Variants in ZNF793 observed in about 807,000 individuals in gnomAD.
The protein encoded by ZNF793 is zinc finger protein 793.
ZNF793 carries 5 observed loss-of-function variants against 12.4 expected under a neutral mutation model. The ratio of observed to expected loss-of-function variants is 0.40; its 90% CI spans 0.21 to 0.84. The LOEUF (loss-of-function observed/expected upper bound fraction) is 0.84. ZNF793 is among the 40% of genes least tolerant of loss of function. The pLI, the probability that ZNF793 is intolerant of heterozygous loss-of-function variation, is 0.35. For synonymous variants in ZNF793, 162 were observed against 172.4 expected (o/e 0.94, Z 0.47); for missense variants, 456 against 495.0 (o/e 0.92, Z 0.75).
intron 2 of ZNF793, among the ~76,000 whole-genome samples, chr19:37,519,797 C>G (rs2042361258): frequency 6.6e-6 from 1 of 152,156 alleles, no homozygotes; most frequent in Non-Finnish European, 1.5e-5. Context: ...CACAGATAGA[C>G]TAAGTAACTC....
At chr19:37,526,636 TTAGTGTGTCA>T (rs964050661) in intron 5 of ZNF793, among the ~76,000 whole-genome samples, 4 of 152,242 alleles carry the variant, frequency 2.6e-5, no homozygotes, top group African/African-American at 9.6e-5. Context: ...TATGTGAGTC[TTAGTGTGTCA>T]TGTGCCAGCC....
intron 5 of ZNF793, among the ~76,000 whole-genome samples, chr19:37,527,592 G>A (rs2042426154): frequency 6.6e-6 from 1 of 152,122 alleles, no homozygotes; most frequent in African/African-American, 2.4e-5. Flanking sequence ...AGGGTAGGCT[G>A]AGCTGATATT....
intron 5 of ZNF793, among the ~76,000 whole-genome samples, chr19:37,529,627 G>A (rs923861007): frequency 6.6e-6 from 1 of 152,070 alleles, no homozygotes; most frequent in South Asian, 2.1e-4. Context: ...TGCGTAGCTG[G>A]GATTACAGGC....
rs1273735150 is a variant in ZNF793, at chr19:37,533,327, A to G, written c.162A>G (p.Pro54=). 5.6e-6 allele frequency: 9 copies of G among 1,613,856 alleles called. No individual in the cohort carries two copies. The Admixed American group carries it at 8.3e-5, about 15-fold the overall frequency. ...GAACAGGTTATGAAGGCACCAAACC[A>G]GATGTGATCCTCAGACTGGAGCAGG... ...LVSVGYEGTK[P]DVILRLEQEE... The change falls in exon 7 of 8, where the codon CCA becomes CCG. Residue 54 remains proline (P), a synonymous_variant. Coordinates refer to ENST00000627814, the MANE Select transcript of ZNF793 (RefSeq NM_001013659.3).
chr19:37,533,533 C>T (rs2042479436), intron 7 of ZNF793, 130 bp downstream of exon 7: 1 of 705,538 alleles, frequency 1.4e-6, no homozygotes, highest in Non-Finnish European at 2.4e-6. Flanking sequence ...ACTCTTCAAC[C>T]TCCATGCAAC....
At chr19:37,512,175 T>G (rs988888658) in intron 2 of ZNF793, among the ~76,000 whole-genome samples, 1 of 152,090 alleles carries the variant, frequency 6.6e-6, no homozygotes, top group African/African-American at 2.4e-5. Context: ...CATAAGAGAT[T>G]ATTGTTTTGT....
chr19:37,538,195 G>T lies in ZNF793; in HGVS notation c.*316G>T, dbSNP rs5020265. The stretch of plus-strand genomic sequence containing the variant: ...CTCCCAAAGTGCTGGGATTACAGGC[G>T]TGAGCCACCGCGCCTGGCCGGTATG... On this transcript the variant is annotated 3_prime_UTR_variant, in exon 8 of 8. Transcript: ENST00000627814. 0.04 allele frequency: 9,415 copies of T among 234,328 alleles called. 240 individuals carry two copies. The highest frequency in any genetic ancestry group is 0.085 in the Middle Eastern group (52 of 614). The allele number at this position is 234,328 out of a possible 1,614,324, so 14.5% of individuals were successfully genotyped here. A position where few individuals can be genotyped will look rare whatever the true frequency, so the allele number is the denominator to read the frequency against.
rs1357278218 is a variant in ZNF793, at chr19:37,543,212, C to T, written c.*5333C>T. 1 of 152,198 alleles carries T rather than the reference C, an allele frequency of 6.6e-6. No homozygotes were observed. Among genetic ancestry groups the T allele is most frequent in the Non-Finnish European group, 1.5e-5 (1 of 68,036 alleles). The allele number at this position is 152,198 out of a possible 1,614,324, so 9.4% of individuals were successfully genotyped here. ...GAATACACACGAAGGTGTTAACATT[C>T]ATTGGTTACCTTGGTGGAGAAGGGT... On this transcript the variant is annotated 3_prime_UTR_variant, in exon 8 of 8. Coordinates refer to ENST00000627814, the MANE Select transcript of ZNF793 (RefSeq NM_001013659.3).
chr19:37,542,389 C>A lies in ZNF793; in HGVS notation c.*4510C>A, dbSNP rs1044043983. On this transcript the variant is annotated 3_prime_UTR_variant, in exon 8 of 8. Coordinates refer to ENST00000627814, the MANE Select transcript of ZNF793 (RefSeq NM_001013659.3). ...ACCTGGGCAACAGAGCAAAAAGATT[C>A]CATCTCAAAAGAAAAGAAAAGAAAT... 2 of 359,820 alleles carry A rather than the reference C, an allele frequency of 5.6e-6. No homozygotes were observed. Among genetic ancestry groups the A allele is most frequent in the Admixed American group, 6.7e-5 (2 of 29,770 alleles). 22.3% of individuals were successfully genotyped at this position (359,820 alleles called of 1,614,324 possible). A position where few individuals can be genotyped will look rare whatever the true frequency, so the allele number is the denominator to read the frequency against.
chr19:37,520,739 C>T (rs1268788865), intron 3 of ZNF793, among the ~76,000 whole-genome samples: 1 of 152,114 alleles, frequency 6.6e-6, no homozygotes, highest in Non-Finnish European at 1.5e-5. Context: ...CTGGACCTCT[C>T]TAGACTTGCT....
intron 5 of ZNF793, 60 bp downstream of exon 5, chr19:37,523,514 A>G: frequency 6.5e-7 from 1 of 1,528,132 alleles, no homozygotes; most frequent in Non-Finnish European, 9.1e-7. Context: ...TAGAGGAAAA[A>G]AAGGGTGTGC....
At chr19:37,532,038 T>G (rs532635650) in intron 5 of ZNF793, among the ~76,000 whole-genome samples, 1 of 148,488 alleles carries the variant, frequency 6.7e-6, no homozygotes, top group South Asian at 2.1e-4. Context: ...TTTTTTGAGA[T>G]GGACTCCTGC....
intron 5 of ZNF793, among the ~76,000 whole-genome samples, chr19:37,531,225 G>C (rs1234237347): frequency 6.6e-6 from 1 of 151,486 alleles, no homozygotes; most frequent in Non-Finnish European, 1.5e-5. Flanking sequence ...GGAGTGCAGT[G>C]GCACAATCTC....
At position 37,537,758 on chromosome 19, in the gene ZNF793, A is replaced by G. The variant is rs1316150549; in HGVS notation, c.1100A>G (p.Tyr367Cys). 1.2e-6 allele frequency: 2 copies of G among 1,614,138 alleles called. No individual in the cohort carries two copies. Among genetic ancestry groups the G allele is most frequent in the Non-Finnish European group, 1.7e-6 (2 of 1,179,998 alleles). The part of the protein sequence containing the change: ...HWRTHTGEKP[Y>C]GCNECGKAFY... Reference sequence around the variant, plus strand: ...AGAACTCACACAGGAGAGAAGCCCTATGGGTGCAATGAATGTGGGAAAGCT... The same window carrying G: ...AGAACTCACACAGGAGAGAAGCCCTGTGGGTGCAATGAATGTGGGAAAGCT... The change falls in exon 8 of 8, where the codon TAT becomes TGT. Residue 367 changes from tyrosine to cysteine, a missense_variant. Physicochemically the swap from Tyr to Cys is radical, Grantham distance 194. Coordinates refer to ENST00000627814, the MANE Select transcript of ZNF793 (RefSeq NM_001013659.3).
chr19:37,510,515 CA>C (rs1158855173), intron 2 of ZNF793, among the ~76,000 whole-genome samples: 1,083 of 70,812 alleles, frequency 0.015, 11 homozygotes, highest in African/African-American at 0.046. Flanking sequence ...AACTCCATCT[CA>C]AAAAAAAAAA....
In ZNF793 at chr19:37,537,526, A is replaced by G. The variant is rs766859183; in HGVS notation, c.868A>G (p.Lys290Glu). The change falls in exon 8 of 8, where the codon AAA becomes GAA. Residue 290 changes from lysine to glutamate, a missense_variant. Lys to Glu is a moderately conservative substitution (Grantham distance 56). Transcript: ENST00000627814. The stretch of plus-strand genomic sequence containing the variant: ...ACCCTTTGAATGTTTTTTTTGTGGG[A>G]AAGCCTTTACCCAGAAGTCACACCG... ...VRPFECFFCG[K>E]AFTQKSHRTE... 12 of 1,614,128 alleles carry G rather than the reference A, an allele frequency of 7.4e-6. No homozygotes were observed. Among genetic ancestry groups the G allele is most frequent in the Non-Finnish European group, 9.3e-6 (11 of 1,179,998 alleles).
chr19:37,536,598 G>A (rs1369175106), intron 7 of ZNF793: 5 of 412,140 alleles, frequency 1.2e-5, no homozygotes, highest in African/African-American at 2.1e-5. Flanking sequence ...TCATTGTGAC[G>A]GAGACCATAT....
chr19:37,540,912 C>T lies in ZNF793; in HGVS notation c.*3033C>T, dbSNP rs959696079. ...AAAAAAATATATGAAAAAAATCATA[C>T]CATGTATAAAAACATCACATGTACC... On this transcript the variant is annotated 3_prime_UTR_variant, in exon 8 of 8. Coordinates refer to ENST00000627814, the MANE Select transcript of ZNF793 (RefSeq NM_001013659.3). 1 of 151,502 alleles carries T rather than the reference C, an allele frequency of 6.6e-6. No individual in the cohort carries two copies. Among genetic ancestry groups the T allele is most frequent in the Non-Finnish European group, 1.5e-5 (1 of 67,918 alleles). The allele number at this position is 151,502 out of a possible 1,614,324, so 9.4% of individuals were successfully genotyped here.
intron 2 of ZNF793, among the ~76,000 whole-genome samples, chr19:37,513,509 G>C (rs943435832): frequency 3.3e-5 from 5 of 152,170 alleles, no homozygotes; most frequent in African/African-American, 1.2e-4. Flanking sequence ...GAATCACAAA[G>C]AAAACATCTT....
Sources: allele counts gnomAD v4.1 joint callset (sites outside exome capture counted in the v4.1 genomes callset), GRCh38; gene constraint gnomAD v4.1.1; transcripts MANE v1.5; gene names NCBI Gene and HGNC (gene_info 2026-07-23, HGNC 2026-07-21).